EVC2: variants seen among roughly 807,000 people sequenced by gnomAD.
The protein encoded by EVC2 is EvC ciliary complex subunit 2.
A neutral mutation model predicts 149.3 loss-of-function variants in EVC2; 148 were observed. The ratio of observed to expected loss-of-function variants is 0.99; its 90% CI spans 0.87 to 1.14. EVC2 has a LOEUF of 1.14. EVC2 is among the 50% of genes most tolerant of loss of function. EVC2 has a pLI of 0.00. For missense variants in EVC2, 1,854 were observed against 1,627.3 expected (o/e 1.14, Z -2.40); for synonymous variants, 776 against 649.9 (o/e 1.19, Z -2.95).
chr4:5,643,379 C>T (rs1717481039), intron 9 of EVC2, among the ~76,000 whole-genome samples: 1 of 151,842 alleles, frequency 6.6e-6, no homozygotes, highest in South Asian at 2.1e-4. Context: ...TTAGCCTCAC[C>T]ATGTAATTGT....
intron 16 of EVC2, among the ~76,000 whole-genome samples, chr4:5,590,768 T>C (rs1271290239): frequency 6.6e-6 from 1 of 152,120 alleles, no homozygotes; most frequent in East Asian, 1.9e-4. Flanking sequence ...AGACCTGTAT[T>C]AGTCCATATT....
At chr4:5,589,426 T>TTAG (rs1300741551) in intron 16 of EVC2, among the ~76,000 whole-genome samples, 3 of 152,340 alleles carry the variant, frequency 2.0e-5, no homozygotes, top group African/African-American at 7.2e-5. Context: ...TGCGCAGGTC[T>TTAG]CAGCAGAATA....
the EVC2 span, among the ~76,000 whole-genome samples, chr4:5,530,770 C>A: frequency 6.6e-6 from 1 of 152,156 alleles, no homozygotes; most frequent in Non-Finnish European, 1.5e-5. Flanking sequence ...AACTATTGTT[C>A]CTCAAGTATT....
At chr4:5,601,168 TGGCTATA>T (rs971085741) in intron 16 of EVC2, among the ~76,000 whole-genome samples, 8 of 152,264 alleles carry the variant, frequency 5.3e-5, no homozygotes, top group African/African-American at 1.9e-4. Context: ...CTACGGGCCC[TGGCTATA>T]GGCTCAGAGC....
At position 5,622,930 on chromosome 4, in the gene EVC2, G is replaced by A. The variant is rs754954578; in HGVS notation, c.2108C>T (p.Ala703Val). ...CCTCTTCTGGTGCAGGTACTGGCCGGCATCCTCAACCGTTCGGAAGGCCTC... is the reference window on the plus strand; with the variant it reads ...CCTCTTCTGGTGCAGGTACTGGCCGACATCCTCAACCGTTCGGAAGGCCTC... ...VGEAFRTVED[A>V]GQYLHQKRSL... The change falls in exon 14 of 22, where the codon GCC becomes GTC. Residue 703 changes from alanine (A) to valine (V), a missense_variant. Ala to Val is a moderately conservative substitution (Grantham distance 64). Transcript: ENST00000344408. The surrounding 1 kb of genome is among the most constrained non-coding windows in gnomAD (Gnocchi z 5.8). 1.6e-5 allele frequency: 26 copies of A among 1,614,122 alleles called. No individual in the cohort carries two copies. The highest frequency in any genetic ancestry group is 1.6e-4 in the Middle Eastern group (1 of 6,062).
At position 5,625,997 on chromosome 4, in the gene EVC2, T is replaced by C. The variant is rs966234219; in HGVS notation, c.1887-89A>G. On this transcript the variant is annotated intron_variant, in intron 12 of 21. Transcript: ENST00000344408. This position sits in a 1 kb window ranked among gnomAD's most constrained non-coding sequence, Gnocchi z 4.0. Reference sequence around the variant, plus strand: ...TTGTGCCTGAACATTCATCTCCATATTAGTTTGGTTTGAATCAGAAAATCT... The same window carrying C: ...TTGTGCCTGAACATTCATCTCCATACTAGTTTGGTTTGAATCAGAAAATCT... 3.3e-6 allele frequency: 5 copies of C among 1,517,358 alleles called. No individual in the cohort carries two copies. The African/African-American group carries it at 6.9e-5, about 21-fold the overall frequency. The allele number at this position is 1,517,358 out of a possible 1,614,324, so 94.0% of individuals were successfully genotyped here. A position where few individuals can be genotyped will look rare whatever the true frequency, so the allele number is the denominator to read the frequency against.
At chr4:5,672,236 AGG>A (rs911808120) in intron 7 of EVC2, among the ~76,000 whole-genome samples, 3 of 152,114 alleles carry the variant, frequency 2.0e-5, no homozygotes, top group Non-Finnish European at 4.4e-5. Context: ...GGCCAGGGGG[AGG>A]GCGAGCCTGG....
At chr4:5,629,574 C>A (rs116016841) in intron 11 of EVC2, among the ~76,000 whole-genome samples, 3 of 152,226 alleles carry the variant, frequency 2.0e-5, no homozygotes, top group African/African-American at 4.8e-5. Context: ...CAATGGATAA[C>A]CAAAAGTGTC....
At chr4:5,583,724 T>C (rs976860506) in intron 17 of EVC2, among the ~76,000 whole-genome samples, 2 of 151,376 alleles carry the variant, frequency 1.3e-5, no homozygotes, top group Admixed American at 6.6e-5. Context: ...TTGTCTTTTA[T>C]ATTTTTTAAT....
intron 13 of EVC2, among the ~76,000 whole-genome samples, chr4:5,623,867 G>A (rs1336212487): frequency 6.6e-6 from 1 of 152,184 alleles, no homozygotes; most frequent in Non-Finnish European, 1.5e-5. Flanking sequence ...TTTCAGAAGA[G>A]TTGTGAAGAT....
chr4:5,658,132 A>C (rs1460053734), intron 9 of EVC2, among the ~76,000 whole-genome samples: 2 of 152,168 alleles, frequency 1.3e-5, no homozygotes, highest in Non-Finnish European at 2.9e-5. Flanking sequence ...ATAAGGACAA[A>C]AACCAAGACT....
chr4:5,706,345 G>C (rs373260948), intron 1 of EVC2, among the ~76,000 whole-genome samples: 3 of 93,688 alleles, frequency 3.2e-5, no homozygotes, highest in Admixed American at 1.1e-4. Context: ...TAGATACATA[G>C]ATAGATAGAC....
At chr4:5,552,624 G>A (rs1478775038) in intron 21 of EVC2, among the ~76,000 whole-genome samples, 1 of 152,180 alleles carries the variant, frequency 6.6e-6, no homozygotes, top group Non-Finnish European at 1.5e-5. Context: ...GGCAACAGAT[G>A]GCACAGGACC....
chr4:5,549,978 T>TCCAC (rs755258438), intron 21 of EVC2, among the ~76,000 whole-genome samples: 2 of 152,324 alleles, frequency 1.3e-5, no homozygotes, highest in East Asian at 1.9e-4. Context: ...CTGTCATCCA[T>TCCAC]GTAATATGTG....
rs1055528041 is a variant in EVC2, at chr4:5,679,028, G to GA, written c.870+2231dup. Among the ~76,000 whole-genome samples, 4 of 137,580 alleles carry GA rather than the reference G, an allele frequency of 2.9e-5. No homozygotes were observed. The highest frequency in any genetic ancestry group is 2.3e-4 in the South Asian group (1 of 4,370). The allele number at this position is 137,580 out of a possible 152,430, so 90.3% of individuals were successfully genotyped here. On this transcript the variant is annotated intron_variant, in intron 7 of 21. Transcript: ENST00000344408. This position sits in a 1 kb window ranked among gnomAD's most constrained non-coding sequence, Gnocchi z 5.1. ...CCTGGGCGACAAAGCAAGACTCTAA[G>GA]AAAAAAAAGAAAGAAAGAAAAGAAA...
chr4:5,530,036 G>A, the EVC2 span, among the ~76,000 whole-genome samples: 1 of 152,088 alleles, frequency 6.6e-6, no homozygotes, highest in Non-Finnish European at 1.5e-5. Flanking sequence ...GGCTGGTCTT[G>A]AACTCCCGAC....
Position 5,662,471 on chromosome 4 carries a change from TATA to T in EVC2, c.1145+633_1145+635del, listed in dbSNP as rs557421736. ...CTAATTATTCAATAATTATTATTAA[TATA>T]ATATTAAATATAATATTAATATTAA... On this transcript the variant is annotated intron_variant, in intron 9 of 21. Coordinates refer to ENST00000344408, the MANE Select transcript of EVC2 (RefSeq NM_147127.5). 5.6e-3 allele frequency among the ~76,000 whole-genome samples: 803 copies of T among 144,260 alleles called. 12 individuals carry two copies. The highest frequency in any genetic ancestry group is 0.017 in the African/African-American group (681 of 39,490). 94.6% of individuals were successfully genotyped at this position (144,260 alleles called of 152,430 possible).
chr4:5,687,384 C>T (rs1305208022), intron 5 of EVC2, among the ~76,000 whole-genome samples: 1 of 152,188 alleles, frequency 6.6e-6, no homozygotes, highest in Non-Finnish European at 1.5e-5. Context: ...CTCACAGCGC[C>T]TTCCTAGGTG....
At chr4:5,570,240 G>T (rs1722565042) in intron 19 of EVC2, among the ~76,000 whole-genome samples, 1 of 152,206 alleles carries the variant, frequency 6.6e-6, no homozygotes, top group South Asian at 2.1e-4. Context: ...ACAGACATTT[G>T]TTGGATAAAC....
Sources: gnomAD v4.1 joint callset for allele counts (sites outside exome capture counted in the v4.1 genomes callset) on GRCh38, gnomAD v4.1.1 for gene constraint, Gnocchi (gnomAD v3.1) non-coding constraint, MANE v1.5 for transcripts, NCBI Gene and HGNC (gene_info 2026-07-23, HGNC 2026-07-21) for gene names.